The following GRK5 variants were observed in gnomAD, a reference collection of about 807,000 sequenced individuals.
GRK5 encodes G protein-coupled receptor kinase 5, also known as g protein-coupled receptor kinase GRK5.
A neutral mutation model predicts 78.4 loss-of-function variants in GRK5; 40 were observed. The ratio of observed to expected loss-of-function variants is 0.51; its 90% CI spans 0.40 to 0.66. The LOEUF is 0.66. Ranked by LOEUF, GRK5 falls within the 30% of genes least tolerant of loss-of-function variation. GRK5 has a pLI of 0.00. For synonymous variants in GRK5, 289 were observed against 296.8 expected, an observed-to-expected ratio of 0.97 and a Z score of 0.27; for missense variants, 598 against 759.9, an observed-to-expected ratio of 0.79 and a Z score of 2.50.
rs118140731 is a variant in GRK5 at position 119,294,779 on chromosome 10, C to T, written c.53-31737C>T. ...TTAGTTCTTTTGGAACAGAGCCATG[C>T]CTATTTTTTACATATTGCCTATGGC... On this transcript the variant is annotated intron_variant, in intron 1 of 15. Coordinates refer to ENST00000392870, the MANE Select transcript of GRK5 (RefSeq NM_005308.3). Among the ~76,000 whole-genome samples the T allele has an allele frequency of 2.4e-4, 36 of 152,282 alleles. No homozygotes were observed. In the East Asian group the frequency reaches 6.9e-3, roughly 29 times the overall value.
intron 2 of GRK5, among the ~76,000 whole-genome samples, chr10:119,354,893 A>G (rs548204565): frequency 1.3e-5 from 2 of 152,316 alleles, no homozygotes; most frequent in Non-Finnish European, 2.9e-5. Context: ...AGGGCCAACT[A>G]TGGGAGTTGA....
intron 1 of GRK5, among the ~76,000 whole-genome samples, chr10:119,229,354 A>ACTC (rs1848789423): frequency 6.6e-6 from 1 of 151,822 alleles, no homozygotes; most frequent in East Asian, 1.9e-4. Flanking sequence ...GAAGGTGAGC[A>ACTC]CTCCTATCCT....
rs1853391025 is a variant in GRK5, at chr10:119,455,656, CTA to C, written c.*591_*592del. 1.9e-5 allele frequency: 5 copies of C among 261,374 alleles called. No homozygotes were observed. The South Asian group carries it at 1.9e-4, about 10-fold the overall frequency. The allele number at this position is 261,374 out of a possible 1,614,324, so 16.2% of individuals were successfully genotyped here. ...AAGGATTGGTTGTATTTACCCACAT[CTA>C]TCTCTGGAGCCATTTCCTCACATTG... On this transcript the variant is annotated 3_prime_UTR_variant, in exon 16 of 16. Transcript: ENST00000392870.
chr10:119,344,936 T>TCCTTCC (rs71016565), intron 2 of GRK5, among the ~76,000 whole-genome samples: 3 of 122,600 alleles, frequency 2.4e-5, no homozygotes, highest in South Asian at 2.7e-4. Flanking sequence ...CTTCCTTCCT[T>TCCTTCC]TTCCTCCCTC....
chr10:119,452,509 C>A lies in GRK5; in HGVS notation c.1405-162C>A. 1 of 756,062 alleles carries A rather than the reference C, an allele frequency of 1.3e-6. No homozygotes were observed. Among genetic ancestry groups the A allele is most frequent in the Non-Finnish European group, 2.1e-6 (1 of 477,786 alleles). 46.8% of individuals were successfully genotyped at this position (756,062 alleles called of 1,614,324 possible). A position where few individuals can be genotyped will look rare whatever the true frequency, so the allele number is the denominator to read the frequency against. ...CTGGGGCCGACCCCTCCCCTGGACTCACCTGCATCTGAGCCACACACCCTC... is the reference window on the plus strand; with the variant it reads ...CTGGGGCCGACCCCTCCCCTGGACTAACCTGCATCTGAGCCACACACCCTC... On this transcript the variant is annotated intron_variant, in intron 13 of 15. Transcript: ENST00000392870. This position sits in a 1 kb window ranked among gnomAD's most constrained non-coding sequence, Gnocchi z 4.4.
chr10:119,237,521 C>T (rs1024524238), intron 1 of GRK5, among the ~76,000 whole-genome samples: 1 of 152,182 alleles, frequency 6.6e-6, no homozygotes, highest in African/African-American at 2.4e-5. Flanking sequence ...TATATGGATT[C>T]TTAGAAATAG....
intron 3 of GRK5, among the ~76,000 whole-genome samples, chr10:119,386,674 G>A (rs1415822124): frequency 1.3e-5 from 2 of 152,174 alleles, no homozygotes; most frequent in Non-Finnish European, 2.9e-5. Context: ...GGGAATTAGC[G>A]AGACTTTTTC....
intron 6 of GRK5, among the ~76,000 whole-genome samples, chr10:119,425,747 T>C (rs1162540500): frequency 6.6e-6 from 1 of 152,250 alleles, no homozygotes; most frequent in African/African-American, 2.4e-5. Context: ...TCTCTAATAA[T>C]GGGGGAGACC....
Position 119,455,201 on chromosome 10 carries a change from C to G in GRK5, c.*134C>G. On this transcript the variant is annotated 3_prime_UTR_variant, in exon 16 of 16. Transcript: ENST00000392870. The stretch of plus-strand genomic sequence containing the variant: ...GAGCCGGGGAAGGAGGCCGTCCATC[C>G]CGTCGACGTAGAACCTCGAGGTTTC... 1 of 763,436 alleles carries G rather than the reference C, an allele frequency of 1.3e-6. No homozygotes were observed. Among genetic ancestry groups the G allele is most frequent in the Non-Finnish European group, 2.3e-6 (1 of 433,714 alleles). 47.3% of individuals were successfully genotyped at this position (763,436 alleles called of 1,614,324 possible). A position where few individuals can be genotyped will look rare whatever the true frequency, so the allele number is the denominator to read the frequency against.
Position 119,430,284 on chromosome 10 carries a change from C to A in GRK5, c.534-91C>A. 2 of 1,120,484 alleles carry A rather than the reference C, an allele frequency of 1.8e-6. No individual in the cohort carries two copies. The highest frequency in any genetic ancestry group is 2.7e-6 in the Non-Finnish European group (2 of 738,786). 69.4% of individuals were successfully genotyped at this position (1,120,484 alleles called of 1,614,324 possible). A position where few individuals can be genotyped will look rare whatever the true frequency, so the allele number is the denominator to read the frequency against. On this transcript the variant is annotated intron_variant, in intron 6 of 15. Coordinates refer to ENST00000392870, the MANE Select transcript of GRK5 (RefSeq NM_005308.3). This position sits in a 1 kb window ranked among gnomAD's most constrained non-coding sequence, Gnocchi z 4.5. The stretch of plus-strand genomic sequence containing the variant: ...TGCTGTGGGGCTCCTGGAATTATAC[C>A]CCACCCCAGCTGCTCTCAATGTGCC...
At chr10:119,446,505 T>C (rs1004564352) in intron 12 of GRK5, among the ~76,000 whole-genome samples, 1 of 125,878 alleles carries the variant, frequency 7.9e-6, no homozygotes, top group Non-Finnish European at 1.6e-5. Flanking sequence ...TGTGCCACCT[T>C]CCTGGCCAGC....
intron 13 of GRK5, among the ~76,000 whole-genome samples, chr10:119,449,194 T>C (rs1853222617): frequency 6.6e-6 from 1 of 152,100 alleles, no homozygotes; most frequent in South Asian, 2.1e-4. Context: ...GTAGATCTGG[T>C]GGTAGCATCT....
intron 1 of GRK5, among the ~76,000 whole-genome samples, chr10:119,239,224 A>C (rs139580282): frequency 1.2e-3 from 187 of 151,864 alleles, no homozygotes; most frequent in African/African-American, 4.3e-3. Context: ...GCAGGTCCTT[A>C]AGGAGCAGAA....
At chr10:119,342,796 C>T (rs938508397) in intron 2 of GRK5, among the ~76,000 whole-genome samples, 1 of 152,162 alleles carries the variant, frequency 6.6e-6, no homozygotes, top group Non-Finnish European at 1.5e-5. Context: ...GGCTGGGCTA[C>T]ATTTATGGCC....
intron 15 of GRK5, 56 bp from the exon 16 acceptor site, chr10:119,454,913 G>A: frequency 2.6e-6 from 3 of 1,175,976 alleles, no homozygotes; most frequent in Non-Finnish European, 3.8e-6. Context: ...CATCCCCAGG[G>A]CTCCCAGGAC....
At chr10:119,366,949 T>A (rs979711787) in intron 2 of GRK5, among the ~76,000 whole-genome samples, 10 of 152,214 alleles carry the variant, frequency 6.6e-5, no homozygotes, top group African/African-American at 2.4e-4. Context: ...CTTCTCAGTG[T>A]CTCGATTTTA....
chr10:119,341,564 G>T lies in GRK5; in HGVS notation c.148+14953G>T, dbSNP rs750799164. Among the ~76,000 whole-genome samples, 17 of 152,044 alleles carry T rather than the reference G, an allele frequency of 1.1e-4. 1 individual carries two copies. Among genetic ancestry groups the T allele is most frequent in the Non-Finnish European group, 2.2e-4 (15 of 68,024 alleles). ...AAGCCCTCCCTGGTGACCTCACCTA[G>T]TCAGGGTTTGCTCCCCACCCTCATG... On this transcript the variant is annotated intron_variant, in intron 2 of 15. Coordinates refer to ENST00000392870, the MANE Select transcript of GRK5 (RefSeq NM_005308.3).
At position 119,457,626 on chromosome 10, in the gene GRK5, C is replaced by T. The variant is rs1475536719; in HGVS notation, c.*2559C>T. Reference sequence around the variant, plus strand: ...AATCAGCCCTTCTCCCTACTGAGTCCCCAGTCCTGTCCCTTCCCTGACTCG... The same window carrying T: ...AATCAGCCCTTCTCCCTACTGAGTCTCCAGTCCTGTCCCTTCCCTGACTCG... On this transcript the variant is annotated 3_prime_UTR_variant, in exon 16 of 16. Coordinates refer to ENST00000392870, the MANE Select transcript of GRK5 (RefSeq NM_005308.3). 1 of 151,742 alleles carries T rather than the reference C, an allele frequency of 6.6e-6. No homozygotes were observed. Among genetic ancestry groups the T allele is most frequent in the Non-Finnish European group, 1.5e-5 (1 of 68,040 alleles). The allele number at this position is 151,742 out of a possible 1,614,324, so 9.4% of individuals were successfully genotyped here. A position where few individuals can be genotyped will look rare whatever the true frequency, so the allele number is the denominator to read the frequency against.
At chr10:119,317,619 C>T (rs937153304) in intron 1 of GRK5, among the ~76,000 whole-genome samples, 10 of 152,146 alleles carry the variant, frequency 6.6e-5, no homozygotes, top group Non-Finnish European at 1.2e-4. Context: ...GGCTTTAAGC[C>T]TGCCAGGCAT....
Sources: gnomAD v4.1 joint callset for allele counts (sites outside exome capture counted in the v4.1 genomes callset) on GRCh38, gnomAD v4.1.1 for gene constraint, Gnocchi (gnomAD v3.1) non-coding constraint, MANE v1.5 for transcripts, NCBI Gene and HGNC (gene_info 2026-07-23, HGNC 2026-07-21) for gene names.